The following ASIC2 variants were observed in gnomAD, a reference collection of about 807,000 sequenced individuals.
ASIC2 encodes the protein acid-sensing ion channel 2.
Under a neutral mutation model 57.3 loss-of-function variants are expected in ASIC2, and 25 were observed. That is an observed-to-expected ratio of 0.44 (90% CI 0.32 to 0.61). ASIC2 has a LOEUF of 0.61. Among genes scored for constraint, ASIC2 ranks in the 20% least tolerant of loss-of-function variants. The pLI, the probability that ASIC2 is intolerant of heterozygous loss-of-function variation, is 0.06. For missense variants in ASIC2, 641 were observed against 738.1 expected (o/e 0.87, Z 1.52); for synonymous variants, 319 against 307.5 (o/e 1.04, Z -0.39).
At chr17:33,104,139 G>A (rs1310437773) in intron 2 of ASIC2, among the ~76,000 whole-genome samples, 2 of 152,076 alleles carry the variant, frequency 1.3e-5, no homozygotes, top group Non-Finnish European at 2.9e-5. Context: ...AAATTGGCTG[G>A]CATCTATTTA....
intron 1 of ASIC2, chr17:34,038,815 G>C: frequency 6.2e-7 from 1 of 1,612,042 alleles, no homozygotes; most frequent in Non-Finnish European, 8.5e-7. Context: ...TTGCAGGAGG[G>C]GCCTGACCCA....
intron 1 of ASIC2, chr17:33,984,187 C>T (rs1251394643): frequency 1.3e-5 from 2 of 152,214 alleles, no homozygotes; most frequent in African/African-American, 2.4e-5. Context: ...GGACACTCAC[C>T]TTGACATCCT....
intron 1 of ASIC2, among the ~76,000 whole-genome samples, chr17:34,062,944 A>G (rs946235678): frequency 2.0e-5 from 3 of 152,180 alleles, no homozygotes; most frequent in Non-Finnish European, 4.4e-5. Flanking sequence ...AGACATTCAA[A>G]GAAGAATTGG....
At chr17:33,654,557 G>C (rs1259568968) in intron 1 of ASIC2, among the ~76,000 whole-genome samples, 1 of 152,232 alleles carries the variant, frequency 6.6e-6, no homozygotes, top group African/African-American at 2.4e-5. Flanking sequence ...CAGATGATGA[G>C]ATAGGCCTGG....
At chr17:33,167,410 C>A (rs980270249) in intron 1 of ASIC2, among the ~76,000 whole-genome samples, 1 of 152,146 alleles carries the variant, frequency 6.6e-6, no homozygotes. Context: ...GTACTGCCAC[C>A]GTCACACTAG....
intron 1 of ASIC2, among the ~76,000 whole-genome samples, chr17:33,761,478 C>A (rs1391793112): frequency 6.6e-6 from 1 of 152,094 alleles, no homozygotes; most frequent in Non-Finnish European, 1.5e-5. Context: ...TCAGAGGGAC[C>A]ACTCCAAAGG....
intron 1 of ASIC2, among the ~76,000 whole-genome samples, chr17:33,717,558 C>T (rs141216767): frequency 6.6e-6 from 1 of 152,296 alleles, no homozygotes; most frequent in East Asian, 1.9e-4. Context: ...CTGTCCGGTC[C>T]AGGCTGGAGC....
intron 1 of ASIC2, among the ~76,000 whole-genome samples, chr17:33,861,552 G>A (rs1020535144): frequency 3.9e-5 from 6 of 152,192 alleles, no homozygotes; most frequent in African/African-American, 1.4e-4. Flanking sequence ...TAGAGAGTAT[G>A]AGAGAATTGT....
chr17:33,844,227 G>A (rs1913517776), intron 1 of ASIC2, among the ~76,000 whole-genome samples: 1 of 152,124 alleles, frequency 6.6e-6, no homozygotes, highest in Admixed American at 6.5e-5. Context: ...TCTTTTAAAT[G>A]AATTTTACTA....
chr17:33,492,260 G>T (rs927926870), intron 1 of ASIC2, among the ~76,000 whole-genome samples: 2 of 152,130 alleles, frequency 1.3e-5, no homozygotes, highest in Non-Finnish European at 2.9e-5. Flanking sequence ...CCCATTTCAC[G>T]GATGAGGAAA....
At chr17:33,376,837 G>T (rs1233450593) in intron 1 of ASIC2, among the ~76,000 whole-genome samples, 1 of 152,184 alleles carries the variant, frequency 6.6e-6, no homozygotes, top group Non-Finnish European at 1.5e-5. Context: ...TGTAGCGGTT[G>T]TTGGGCACTA....
At chr17:33,642,854 G>A (rs1479734693) in intron 1 of ASIC2, among the ~76,000 whole-genome samples, 1 of 152,206 alleles carries the variant, frequency 6.6e-6, no homozygotes, top group East Asian at 1.9e-4. Context: ...GCCCTGGATT[G>A]TGGGGAGACC....
intron 1 of ASIC2, among the ~76,000 whole-genome samples, chr17:34,114,896 A>C (rs1911382673): frequency 6.6e-6 from 1 of 152,150 alleles, no homozygotes; most frequent in African/African-American, 2.4e-5. Context: ...GACAATTTGA[A>C]TAATTCTGTC....
At chr17:33,444,255 T>C (rs911899563) in intron 1 of ASIC2, among the ~76,000 whole-genome samples, 1 of 152,216 alleles carries the variant, frequency 6.6e-6, no homozygotes, top group Non-Finnish European at 1.5e-5. Flanking sequence ...CTGCTGGGTG[T>C]GTGACCTGTC....
At chr17:33,780,858 A>G (rs1217145059) in intron 1 of ASIC2, among the ~76,000 whole-genome samples, 1 of 152,148 alleles carries the variant, frequency 6.6e-6, no homozygotes, top group African/African-American at 2.4e-5. Context: ...CAGCCTAGAT[A>G]TGACTCTTGG....
chr17:33,722,125 T>G (rs1909406739), intron 1 of ASIC2, among the ~76,000 whole-genome samples: 1 of 152,172 alleles, frequency 6.6e-6, no homozygotes, highest in African/African-American at 2.4e-5. Flanking sequence ...AAGGACCCAG[T>G]GGGAGGTAAT....
chr17:33,617,389 A>C (rs1905641183), intron 1 of ASIC2, among the ~76,000 whole-genome samples: 1 of 152,240 alleles, frequency 6.6e-6, no homozygotes, highest in Non-Finnish European at 1.5e-5. Flanking sequence ...TAAGCGAACT[A>C]ACACAGAAAC....
At chr17:33,969,832 T>C (rs931129923) in intron 1 of ASIC2, among the ~76,000 whole-genome samples, 1 of 152,134 alleles carries the variant, frequency 6.6e-6, no homozygotes, top group South Asian at 2.1e-4. Context: ...CGGCAGCTAC[T>C]GCCATGGTGA....
intron 1 of ASIC2, among the ~76,000 whole-genome samples, chr17:33,193,633 T>C (rs1906516873): frequency 6.6e-6 from 1 of 152,192 alleles, no homozygotes; most frequent in Non-Finnish European, 1.5e-5. Flanking sequence ...GTGGAAGTAC[T>C]CCAGCTCCCT....
Sources: allele counts gnomAD v4.1 joint callset (sites outside exome capture counted in the v4.1 genomes callset), GRCh38; gene constraint gnomAD v4.1.1; transcripts MANE v1.5; gene names NCBI Gene and HGNC (gene_info 2026-07-23, HGNC 2026-07-21).